The following TEX15 variants were observed in gnomAD, a reference collection of about 807,000 sequenced individuals.
TEX15 encodes the protein testis-expressed protein 15.
Under a neutral mutation model 237.3 loss-of-function variants are expected in TEX15, and 171 were observed. That is an observed-to-expected ratio of 0.72 (90% CI 0.64 to 0.82). The LOEUF (loss-of-function observed/expected upper bound fraction) is 0.82. Ranked by LOEUF, TEX15 falls within the 40% of genes least tolerant of loss-of-function variation. The pLI, the probability that TEX15 is intolerant of heterozygous loss-of-function variation, is 0.00. For missense variants in TEX15, 3,750 were observed against 3,646.5 expected (o/e 1.03, Z -0.73); for synonymous variants, 1,338 against 1,269.8 (o/e 1.05, Z -1.14).
chr8:30,912,462 G>A (rs1300687156), intron 1 of TEX15, among the ~76,000 whole-genome samples: 1 of 152,222 alleles, frequency 6.6e-6, no homozygotes, highest in East Asian at 1.9e-4. Flanking sequence ...GCCAGGGCGA[G>A]GCGGAGGCCA....
At chr8:30,851,016 G>A (rs1488152671) in intron 7 of TEX15, among the ~76,000 whole-genome samples, 1 of 152,030 alleles carries the variant, frequency 6.6e-6, no homozygotes, top group Non-Finnish European at 1.5e-5. Context: ...TTTTAATATG[G>A]TTCATGGAAG....
At chr8:30,852,191 G>A (rs1286186602) in intron 7 of TEX15, among the ~76,000 whole-genome samples, 9 of 121,128 alleles carry the variant, frequency 7.4e-5, no homozygotes, top group African/African-American at 2.6e-4. Context: ...TACAAACTCC[G>A]CCTCCCGGGT....
intron 2 of TEX15, chr8:30,888,826 C>A: frequency 2.8e-6 from 1 of 355,038 alleles, no homozygotes; most frequent in Non-Finnish European, 5.3e-6. Flanking sequence ...TTGCAATCAC[C>A]CAATCAAACA....
intron 3 of TEX15, among the ~76,000 whole-genome samples, chr8:30,880,602 G>T (rs2128774547): frequency 6.6e-6 from 1 of 152,298 alleles, no homozygotes; most frequent in East Asian, 1.9e-4. Flanking sequence ...TCTTCCTTAT[G>T]ATTTTCTTAG....
intron 3 of TEX15, among the ~76,000 whole-genome samples, chr8:30,879,938 T>TAA (rs35862520): frequency 8.5e-6 from 1 of 117,696 alleles, no homozygotes; most frequent in South Asian, 2.4e-4. Context: ...TTTTTTTTTT[T>TAA]AAAAAAAAAA....
rs560677650 is a variant in TEX15 at position 30,871,874 on chromosome 8, T to G, written c.302+3063A>C. Among the ~76,000 whole-genome samples the G allele has an allele frequency of 3.3e-5, 5 of 152,232 alleles. No homozygotes were observed. The South Asian group carries it at 1.0e-3, about 32-fold the overall frequency. ...TCCTTTAGGTGACTTACGGCTAGGTTTAAATTATCTAAACCCAAAATACAA... is the reference window on the plus strand; with the variant it reads ...TCCTTTAGGTGACTTACGGCTAGGTGTAAATTATCTAAACCCAAAATACAA... On this transcript the variant is annotated intron_variant, in intron 4 of 10. Transcript: ENST00000643185.
intron 1 of TEX15, among the ~76,000 whole-genome samples, chr8:30,902,301 A>C (rs541946004): frequency 5.3e-5 from 8 of 151,690 alleles, no homozygotes; most frequent in Non-Finnish European, 1.2e-4. Flanking sequence ...AATACTTGCA[A>C]CTGGGAACTT....
chr8:30,845,939 C>G lies in TEX15; in HGVS notation c.4228G>C (p.Gly1410Arg), dbSNP rs767082071. ...ATTGCATATGATTTTGGTAATGGGC[C>G]CTTTCTTTCTTCTCCTACTTTAGTT... ...LITKVGEERK[G>R]PLPKSYAIIC... The change falls in exon 8 of 11, where the codon GGC becomes CGC. Residue 1410 changes from glycine (G) to arginine (R), a missense_variant. Gly to Arg is a moderately radical substitution (Grantham distance 125). Transcript: ENST00000643185. 8 of 1,612,950 alleles carry G rather than the reference C, an allele frequency of 5.0e-6. No individual in the cohort carries two copies. Among genetic ancestry groups the G allele is most frequent in the Non-Finnish European group, 6.8e-6 (8 of 1,179,568 alleles).
At position 30,844,628 on chromosome 8, in the gene TEX15, C is replaced by T; in HGVS notation, c.5539G>A (p.Val1847Ile). The T allele has an allele frequency of 6.2e-7, 1 of 1,613,290 alleles. No homozygotes were observed. Residue 1847 changes from valine to isoleucine, a missense_variant, in exon 8 of 11, where the codon GTT becomes ATT. Physicochemically the swap from Val to Ile is conservative, Grantham distance 29. Coordinates refer to ENST00000643185, the MANE Select transcript of TEX15 (RefSeq NM_001350162.2). ...KDTEDRITWK[V>I]KQAEKAKDSV... is the part of the protein sequence containing the mutation. The stretch of plus-strand genomic sequence containing the variant: ...TCTTTTGCTTTTTCCGCTTGTTTAA[C>T]TTTCCACGTTATTCTGTCCTCAGTG...
chr8:30,878,477 G>A (rs187537249), intron 3 of TEX15, among the ~76,000 whole-genome samples: 9 of 152,110 alleles, frequency 5.9e-5, no homozygotes, highest in East Asian at 3.9e-4. Flanking sequence ...TCTGCCTCTC[G>A]GGTTCAAGTG....
intron 2 of TEX15, among the ~76,000 whole-genome samples, chr8:30,897,581 T>C (rs1374775358): frequency 6.6e-6 from 1 of 152,192 alleles, no homozygotes; most frequent in Non-Finnish European, 1.5e-5. Flanking sequence ...AAAATCCATA[T>C]GATTAATATG....
In TEX15 at chr8:30,849,146, T is replaced by G. The variant is rs747936287; in HGVS notation, c.1021A>C (p.Asn341His). Residue 341 changes from asparagine to histidine, a missense_variant, in exon 8 of 11, where the codon AAC (asparagine) becomes CAC (histidine). Coordinates refer to ENST00000643185, the MANE Select transcript of TEX15 (RefSeq NM_001350162.2). The part of the protein sequence containing the change: ...EINPFISNIS[N>H]SYGNVQNGNI... ...CCATTTTGTACATTTCCATAGGAGT[T>G]AGAAATATTTGAGATGAAAGGATTT... The G allele has an allele frequency of 1.1e-5, 18 of 1,569,662 alleles. No homozygotes were observed. The highest frequency in any genetic ancestry group is 1.8e-5 in the Admixed American group (1 of 54,064).
rs777782873 is a variant in TEX15 at position 30,847,819 on chromosome 8, A to G, written c.2348T>C (p.Ile783Thr). The change falls in exon 8 of 11, where the codon ATT becomes ACT. Residue 783 changes from isoleucine to threonine, a missense_variant. Physicochemically the swap from Ile to Thr is moderately conservative, Grantham distance 89 (BLOSUM62 -1). Coordinates refer to ENST00000643185, the MANE Select transcript of TEX15 (RefSeq NM_001350162.2). Reference sequence around the variant, plus strand: ...AGCTGTTTCTATGTTATAAGATGAAATAACTGTATCAATGAACATTTCTTT... The same window carrying G: ...AGCTGTTTCTATGTTATAAGATGAAGTAACTGTATCAATGAACATTTCTTT... ...QAKEMFIDTV[I>T]SSYNIETAHD... The G allele has an allele frequency of 1.9e-6, 3 of 1,613,934 alleles. No homozygotes were observed. The highest frequency in any genetic ancestry group is 2.5e-6 in the Non-Finnish European group (3 of 1,179,952).
rs1246660967 is a variant in TEX15, at chr8:30,881,620, TTTTTTATTA to T, written c.136+5538_136+5546del. On this transcript the variant is annotated intron_variant, in intron 3 of 10. Coordinates refer to ENST00000643185, the MANE Select transcript of TEX15 (RefSeq NM_001350162.2). ...ATCCTTCCATCTTGACTTTTTATTT[TTTTTTATTA>T]TTTTTTTTTTTTGAGACAGTCTTGC... is the stretch of plus-strand genomic sequence containing the variant. 2.2e-4 allele frequency among the ~76,000 whole-genome samples: 27 copies of T among 125,220 alleles called. 3 individuals are homozygous for T. The highest frequency in any genetic ancestry group is 6.9e-4 in the African/African-American group (15 of 21,728). 82.1% of individuals were successfully genotyped at this position (125,220 alleles called of 152,430 possible).
At chr8:30,860,276 C>T (rs374435736) in intron 5 of TEX15, among the ~76,000 whole-genome samples, 2 of 151,968 alleles carry the variant, frequency 1.3e-5, no homozygotes, top group African/African-American at 2.4e-5. Context: ...TAAGCACCAC[C>T]GTGCCCAGCT....
chr8:30,888,799 C>T (rs1349605958), intron 2 of TEX15: 25 of 427,488 alleles, frequency 5.8e-5, no homozygotes, highest in Non-Finnish European at 2.1e-5. Flanking sequence ...CCCTCCTGTT[C>T]TTTATGAAAG....
intron 1 of TEX15, among the ~76,000 whole-genome samples, chr8:30,904,052 C>T (rs577358011): frequency 6.6e-6 from 1 of 151,790 alleles, no homozygotes; most frequent in African/African-American, 2.4e-5. Flanking sequence ...TTTTAAAAGA[C>T]ATTAGGGAAA....
rs1324546605 is a variant in TEX15, at chr8:30,858,718, C to T, written c.800G>A (p.Arg267His). 3.3e-6 allele frequency: 5 copies of T among 1,535,654 alleles called. No individual in the cohort carries two copies. The highest frequency in any genetic ancestry group is 2.4e-5 in the South Asian group (2 of 84,024). Residue 267 changes from arginine (R) to histidine (H), a missense_variant, in exon 7 of 11, where the codon CGC becomes CAC. By Grantham distance (29) the Arg-to-His change is conservative. Coordinates refer to ENST00000643185, the MANE Select transcript of TEX15 (RefSeq NM_001350162.2). ...KFLGSKVDNG[R>H]LMTSLRFLST... ...GAGGAATCTCAAAGATGTCATAAGG[C>T]GTCCATTATCTACTTTTGAACCAAG... is the stretch of plus-strand genomic sequence containing the variant.
At chr8:30,835,947 C>T (rs1807282179) in intron 10 of TEX15, among the ~76,000 whole-genome samples, 1 of 152,050 alleles carries the variant, frequency 6.6e-6, no homozygotes. Flanking sequence ...TTTATTTTCC[C>T]ACTTTAGTTT....
Sources: allele counts gnomAD v4.1 joint callset (sites outside exome capture counted in the v4.1 genomes callset), GRCh38; gene constraint gnomAD v4.1.1; transcripts MANE v1.5; gene names NCBI Gene and HGNC (gene_info 2026-07-23, HGNC 2026-07-21).